Variants in WDPCP observed in about 807,000 individuals in gnomAD.
The protein encoded by WDPCP is WD repeat containing planar cell polarity effector.
WDPCP carries 71 observed loss-of-function variants against 93.1 expected under a neutral mutation model. The observed-to-expected ratio is 0.76, with a 90% CI of 0.63 to 0.93. WDPCP has a LOEUF of 0.93. Among genes scored for constraint, WDPCP ranks in the 40% least tolerant of loss-of-function variants. The pLI, the probability that WDPCP is intolerant of heterozygous loss-of-function variation, is 0.00. For missense variants in WDPCP, 844 were observed against 887.4 expected (o/e 0.95, Z 0.62); for synonymous variants, 315 against 315.0 (o/e 1.00, Z 0.00).
chr2:63,219,994 T>A (rs987209699), intron 14 of WDPCP, among the ~76,000 whole-genome samples: 1 of 151,908 alleles, frequency 6.6e-6, no homozygotes, highest in Non-Finnish European at 1.5e-5. Flanking sequence ...AGAGTGAGGC[T>A]CTGTCTCCCA....
chr2:63,334,066 A>G (rs1262244984), intron 12 of WDPCP, among the ~76,000 whole-genome samples: 1 of 152,152 alleles, frequency 6.6e-6, no homozygotes, highest in Non-Finnish European at 1.5e-5. Context: ...CATCCATTGG[A>G]ATTCTGGGAG....
chr2:63,594,902 C>T (rs1709275101), intron 3 of WDPCP: 1 of 278,840 alleles, frequency 3.6e-6, no homozygotes, highest in Admixed American at 5.0e-5. Context: ...ACTCAGTAAG[C>T]ACTCCCTTGT....
intron 2 of WDPCP, among the ~76,000 whole-genome samples, chr2:63,683,808 C>T (rs928617196): frequency 6.6e-6 from 1 of 150,774 alleles, no homozygotes; most frequent in African/African-American, 2.4e-5. Flanking sequence ...AAGATTGTGC[C>T]ACTGCACTCC....
intron 1 of WDPCP, among the ~76,000 whole-genome samples, chr2:63,585,835 C>CT (rs11309831): frequency 9.2e-4 from 95 of 103,070 alleles, no homozygotes; most frequent in South Asian, 1.9e-3. Context: ...AAATAATTTT[C>CT]TTTTTTTTTT....
chr2:63,685,966 A>C (rs1338045571), intron 2 of WDPCP, among the ~76,000 whole-genome samples: 1 of 152,228 alleles, frequency 6.6e-6, no homozygotes, highest in African/African-American at 2.4e-5. Flanking sequence ...TCAACACAAT[A>C]AAAGCCATAT....
At chr2:63,277,179 A>C (rs1683149883) in intron 13 of WDPCP, among the ~76,000 whole-genome samples, 1 of 151,760 alleles carries the variant, frequency 6.6e-6, no homozygotes, top group East Asian at 1.9e-4. Flanking sequence ...ACAAATGCTG[A>C]GAGAATTCGC....
chr2:63,612,407 G>C (rs1214583045), intron 3 of WDPCP, among the ~76,000 whole-genome samples: 1 of 152,250 alleles, frequency 6.6e-6, no homozygotes, highest in Admixed American at 6.5e-5. Flanking sequence ...GAAGTATTTT[G>C]AGCTAAAGTC....
intron 3 of WDPCP, among the ~76,000 whole-genome samples, chr2:63,646,535 T>C (rs1710052694): frequency 1.3e-5 from 2 of 152,156 alleles, no homozygotes; most frequent in Admixed American, 1.3e-4. Flanking sequence ...TGTTCACATT[T>C]TTTTTTTCTT....
At chr2:63,426,167 C>T (rs1170190159) in intron 9 of WDPCP, among the ~76,000 whole-genome samples, 1 of 152,108 alleles carries the variant, frequency 6.6e-6, no homozygotes, top group African/African-American at 2.4e-5. Context: ...GGTGAAACCC[C>T]ATTTCTACTA....
At chr2:63,509,354 A>C (rs1236922520) in intron 1 of WDPCP, among the ~76,000 whole-genome samples, 1 of 152,202 alleles carries the variant, frequency 6.6e-6, no homozygotes, top group Non-Finnish European at 1.5e-5. Context: ...AACAAAATTA[A>C]GGCAGAAATA....
At chr2:63,234,410 T>C (rs2104587934) in intron 14 of WDPCP, among the ~76,000 whole-genome samples, 1 of 152,236 alleles carries the variant, frequency 6.6e-6, no homozygotes, top group East Asian at 1.9e-4. Context: ...GCTATGAACA[T>C]GCCACTGCAT....
At chr2:63,789,074 T>C (rs989811189) in intron 2 of WDPCP, among the ~76,000 whole-genome samples, 1 of 152,146 alleles carries the variant, frequency 6.6e-6, no homozygotes, top group Non-Finnish European at 1.5e-5. Flanking sequence ...CAACTATTTT[T>C]ATTTCTATAA....
At position 63,153,549 on chromosome 2, in the gene WDPCP, G is replaced by A; in HGVS notation, c.2104C>T (p.Leu702Phe). Residue 702 changes from leucine to phenylalanine, a missense_variant, in exon 16 of 18, where the codon CTT becomes TTT. By Grantham distance (22) the Leu-to-Phe change is conservative. Coordinates refer to ENST00000272321, the MANE Select transcript of WDPCP (RefSeq NM_015910.7). ...NRQIIDRRNELEKDICSGFLM... is the reference protein window; with the variant it reads ...NRQIIDRRNEFEKDICSGFLM... The stretch of plus-strand genomic sequence containing the variant: ...AATCCAGAACAGATGTCTTTTTCAA[G>A]TTCATTCCTTCTGTCAATTATTTGT... The A allele has an allele frequency of 6.2e-7, 1 of 1,612,282 alleles. No homozygotes were observed. The highest frequency in any genetic ancestry group is 8.5e-7 in the Non-Finnish European group (1 of 1,179,048).
At chr2:63,212,794 C>CAAA (rs544051993) in intron 14 of WDPCP, among the ~76,000 whole-genome samples, 1 of 122,938 alleles carries the variant, frequency 8.1e-6, no homozygotes, top group African/African-American at 3.2e-5. Context: ...AAATGGAAAA[C>CAAA]AAAAAAAAAA....
chr2:63,165,159 C>T (rs1228419922), intron 15 of WDPCP, among the ~76,000 whole-genome samples: 1 of 152,108 alleles, frequency 6.6e-6, no homozygotes, highest in Non-Finnish European at 1.5e-5. Flanking sequence ...AAAGTGGAAA[C>T]TTTAAAAGAG....
rs1669896467 is a variant in WDPCP at position 63,752,351 on chromosome 2, T to C, written n.308+61271A>G. ...CACAGTTAGGTGGGCACCTGGTCTTTGAGAACCTTCTCTTGAGATAGCCCT... is the reference window on the plus strand; with the variant it reads ...CACAGTTAGGTGGGCACCTGGTCTTCGAGAACCTTCTCTTGAGATAGCCCT... On this transcript the variant is annotated intron_variant and non_coding_transcript_variant, in intron 2 of 4. Coordinates refer to the WDPCP transcript ENST00000467687. 7.6e-6 allele frequency: 6 copies of C among 786,226 alleles called. No homozygotes were observed. In the Admixed American group the frequency reaches 8.6e-5, roughly 11 times the overall value. The allele number at this position is 786,226 out of a possible 1,614,324, so 48.7% of individuals were successfully genotyped here.
intron 2 of WDPCP, among the ~76,000 whole-genome samples, chr2:63,773,636 AAAG>A (rs1163327404): frequency 3.3e-5 from 5 of 152,148 alleles, no homozygotes; most frequent in African/African-American, 1.2e-4. Flanking sequence ...ACAAGATACT[AAAG>A]AAGAAATCTT....
intron 6 of WDPCP, among the ~76,000 whole-genome samples, chr2:63,473,928 C>T (rs939611522): frequency 1.3e-5 from 2 of 151,996 alleles, no homozygotes; most frequent in African/African-American, 4.8e-5. Context: ...ACTTTGAAGC[C>T]ACCTTATTTG....
chr2:63,242,338 C>A (rs1679920759), intron 14 of WDPCP, among the ~76,000 whole-genome samples: 1 of 152,104 alleles, frequency 6.6e-6, no homozygotes, highest in Non-Finnish European at 1.5e-5. Flanking sequence ...TTGTAGACCG[C>A]CACATTAAGT....
Sources: allele counts gnomAD v4.1 joint callset (sites outside exome capture counted in the v4.1 genomes callset), GRCh38; gene constraint gnomAD v4.1.1; transcripts MANE v1.5; gene names NCBI Gene and HGNC (gene_info 2026-07-23, HGNC 2026-07-21).